The following PLXNA4 variants were observed in gnomAD, a reference collection of about 807,000 sequenced individuals.
PLXNA4 encodes plexin A4.
PLXNA4 carries 44 observed loss-of-function variants against 191.8 expected under a neutral mutation model. That is an observed-to-expected ratio of 0.23 (90% CI 0.18 to 0.29). The LOEUF is 0.29. Ranked by LOEUF, PLXNA4 falls within the 10% of genes least tolerant of loss-of-function variation. PLXNA4 has a pLI of 1.00. For synonymous variants in PLXNA4, 1,082 were observed against 1,009.5 expected (o/e 1.07, Z -1.36); for missense variants, 1,800 against 2,488.8 (o/e 0.72, Z 5.89).
intron 3 of PLXNA4, among the ~76,000 whole-genome samples, chr7:132,319,987 G>T (rs1802100612): frequency 6.6e-6 from 1 of 152,166 alleles, no homozygotes; most frequent in Non-Finnish European, 1.5e-5. Context: ...GACTGCCCTG[G>T]TGAACATCTC....
At chr7:132,326,767 T>C (rs1309916627) in intron 3 of PLXNA4, among the ~76,000 whole-genome samples, 2 of 152,038 alleles carry the variant, frequency 1.3e-5, no homozygotes, top group Non-Finnish European at 2.9e-5. Flanking sequence ...GTTATAGCTG[T>C]TTATTTAGTG....
At chr7:132,180,777 C>G in intron 18 of PLXNA4, 45 bp from the exon 19 acceptor site, 1 of 1,586,242 alleles carries the variant, frequency 6.3e-7, no homozygotes, top group Non-Finnish European at 8.6e-7. Flanking sequence ...GAGTGAGGAC[C>G]ACAGCTACCA....
intron 2 of PLXNA4, among the ~76,000 whole-genome samples, chr7:132,635,751 C>T (rs921542252): frequency 1.3e-5 from 2 of 152,122 alleles, no homozygotes; most frequent in African/African-American, 2.4e-5. Flanking sequence ...GGAAGTTCCA[C>T]GTTTAATACT....
intron 26 of PLXNA4, 34 bp from the exon 27 acceptor site, chr7:132,148,033 A>C: frequency 6.2e-7 from 1 of 1,613,974 alleles, no homozygotes; most frequent in Non-Finnish European, 8.5e-7. Context: ...GCCTAGGCAC[A>C]GCAGCTCTGC....
chr7:132,630,589 G>T (rs1045391886), intron 2 of PLXNA4, among the ~76,000 whole-genome samples: 1 of 152,098 alleles, frequency 6.6e-6, no homozygotes, highest in Admixed American at 6.5e-5. Context: ...TTGGCTCACT[G>T]CAAGTTCCAC....
chr7:132,335,127 G>T (rs1248599265), intron 3 of PLXNA4, among the ~76,000 whole-genome samples: 1 of 152,100 alleles, frequency 6.6e-6, no homozygotes, highest in East Asian at 1.9e-4. Context: ...TATATTGTTT[G>T]TGTTTCACCA....
intron 3 of PLXNA4, among the ~76,000 whole-genome samples, chr7:132,438,663 T>A (rs1222305732): frequency 6.6e-6 from 1 of 152,246 alleles, no homozygotes; most frequent in Admixed American, 6.5e-5. Context: ...TTTTTGCCAC[T>A]TGCTGGTAAT....
chr7:132,405,072 A>G (rs73158824), intron 3 of PLXNA4, among the ~76,000 whole-genome samples: 48 of 149,190 alleles, frequency 3.2e-4, no homozygotes, highest in East Asian at 1.0e-3. Context: ...GTGTGTGTGT[A>G]TGTGTGTGTG....
intron 2 of PLXNA4, 87 bp downstream of exon 2, chr7:132,507,419 G>C: frequency 7.1e-7 from 1 of 1,404,752 alleles, no homozygotes; most frequent in South Asian, 1.4e-5. Flanking sequence ...AAAGGGGAAG[G>C]ATGATACACA....
chr7:132,378,607 C>A (rs985376348), intron 3 of PLXNA4, among the ~76,000 whole-genome samples: 4 of 152,302 alleles, frequency 2.6e-5, no homozygotes, highest in African/African-American at 7.2e-5. Context: ...GCAGGCATGG[C>A]AGATGATTAA....
At chr7:132,214,701 A>T (rs1797911093) in intron 9 of PLXNA4, among the ~76,000 whole-genome samples, 1 of 152,130 alleles carries the variant, frequency 6.6e-6, no homozygotes, top group African/African-American at 2.4e-5. Flanking sequence ...TTCATGGCCC[A>T]GGGACTCAGG....
chr7:132,521,870 A>G (rs116181416), intron 1 of PLXNA4, among the ~76,000 whole-genome samples: 2 of 152,120 alleles, frequency 1.3e-5, no homozygotes, highest in Non-Finnish European at 2.9e-5. Flanking sequence ...CTCCCCTGGC[A>G]CCCCTATGAC....
At chr7:132,612,678 A>T (rs926648198) in intron 2 of PLXNA4, among the ~76,000 whole-genome samples, 1 of 151,346 alleles carries the variant, frequency 6.6e-6, no homozygotes, top group Non-Finnish European at 1.5e-5. Flanking sequence ...AAAAAAAAAA[A>T]AAAAAAGTCC....
At chr7:132,236,232 G>T (rs1284418752) in intron 5 of PLXNA4, among the ~76,000 whole-genome samples, 2 of 152,172 alleles carry the variant, frequency 1.3e-5, no homozygotes, top group Non-Finnish European at 2.9e-5. Context: ...ACCTTGCACT[G>T]CTCAATCACA....
At chr7:132,539,683 AG>A (rs1024204936) in intron 1 of PLXNA4, among the ~76,000 whole-genome samples, 67 of 152,338 alleles carry the variant, frequency 4.4e-4, no homozygotes, top group African/African-American at 1.6e-3. Context: ...CCTATTTCAC[AG>A]GGTTGTTGGT....
At chr7:132,560,037 G>A (rs957587010) in intron 1 of PLXNA4, among the ~76,000 whole-genome samples, 10 of 152,068 alleles carry the variant, frequency 6.6e-5, no homozygotes, top group Non-Finnish European at 1.3e-4. Flanking sequence ...CTATCTAGTC[G>A]CCAGGTCCTA....
chr7:132,251,182 T>C (rs554850029), intron 4 of PLXNA4, among the ~76,000 whole-genome samples: 2 of 152,174 alleles, frequency 1.3e-5, no homozygotes, highest in East Asian at 3.9e-4. Flanking sequence ...TCATCAGCTG[T>C]ACTCCTAGAA....
chr7:132,457,651 G>T (rs189945601), intron 3 of PLXNA4, among the ~76,000 whole-genome samples: 3 of 152,196 alleles, frequency 2.0e-5, no homozygotes, highest in Non-Finnish European at 4.4e-5. Context: ...ATTGAGTTGA[G>T]GACCTTGAGA....
At chr7:132,557,807 G>A (rs578059214) in intron 1 of PLXNA4, among the ~76,000 whole-genome samples, 1 of 152,040 alleles carries the variant, frequency 6.6e-6, no homozygotes, top group Non-Finnish European at 1.5e-5. Flanking sequence ...TGCAGACTTC[G>A]CCAGGAAGCT....
Sources: allele counts gnomAD v4.1 joint callset (sites outside exome capture counted in the v4.1 genomes callset), GRCh38; gene constraint gnomAD v4.1.1; transcripts MANE v1.5; gene names NCBI Gene and HGNC (gene_info 2026-07-23, HGNC 2026-07-21).